RARS2: variants seen among roughly 807,000 people sequenced by gnomAD.
RARS2 encodes arginyl-tRNA synthetase 2, mitochondrial.
RARS2 carries 67 observed loss-of-function variants against 88.5 expected under a neutral mutation model. The observed-to-expected ratio is 0.76, with a 90% CI of 0.62 to 0.93. The LOEUF is 0.93. Among genes scored for constraint, RARS2 ranks in the 40% least tolerant of loss-of-function variants. RARS2 has a pLI of 0.00. For missense variants in RARS2, 664 were observed against 684.2 expected (o/e 0.97, Z 0.33); for synonymous variants, 239 against 230.3 (o/e 1.04, Z -0.34).
intron 8 of RARS2, among the ~76,000 whole-genome samples, chr6:87,537,005 G>A (rs1779377584): frequency 6.6e-6 from 1 of 152,204 alleles, no homozygotes; most frequent in Non-Finnish European, 1.5e-5. Flanking sequence ...TGCAATAAAT[G>A]ACTGTGGGTG....
intron 2 of RARS2, among the ~76,000 whole-genome samples, chr6:87,569,018 A>G (rs1705353015): frequency 6.6e-6 from 1 of 152,226 alleles, no homozygotes; most frequent in African/African-American, 2.4e-5. Context: ...GAAAGCAACT[A>G]TTAGTTGTGT....
At chr6:87,538,346 T>G (rs1006791358) in intron 8 of RARS2, among the ~76,000 whole-genome samples, 3 of 152,216 alleles carry the variant, frequency 2.0e-5, no homozygotes, top group Non-Finnish European at 4.4e-5. Context: ...ATTCGACTTT[T>G]TAGTTATTCA....
At position 87,584,446 on chromosome 6, in the gene RARS2, G is replaced by A. The variant is rs148409715; in HGVS notation, c.36+5476C>T. Among the ~76,000 whole-genome samples the A allele has an allele frequency of 2.5e-3, 382 of 152,108 alleles. 2 individuals carry two copies. The highest frequency in any genetic ancestry group is 8.9e-3 in the African/African-American group (368 of 41,466). On this transcript the variant is annotated intron_variant, in intron 1 of 19. Transcript: ENST00000369536. ...AGCCCTATAAAGCAAAGCAAAATAC[G>A]GCACCGTACAAGTGAGGTATCCCAT...
At chr6:87,526,723 T>C (rs1253482878) in intron 10 of RARS2, among the ~76,000 whole-genome samples, 1 of 150,532 alleles carries the variant, frequency 6.6e-6, no homozygotes, top group Non-Finnish European at 1.5e-5. Flanking sequence ...CAGGTTGGAG[T>C]GCAATGGCTC....
chr6:87,518,689 A>G lies in RARS2; in HGVS notation c.1356T>C (p.Val452=). The stretch of plus-strand genomic sequence containing the variant: ...CTCCTGTGTCCCCGCGACTCTGGAA[A>G]ACACGATCCCAGCTGAACTTGTAGT... ...LSDYKFSWDR[V]FQSRGDTGVF... The change falls in exon 16 of 20, where the codon GTT becomes GTC. Residue 452 remains valine, a synonymous_variant. Transcript: ENST00000369536. The G allele has an allele frequency of 6.2e-7, 1 of 1,614,084 alleles. No individual in the cohort carries two copies. Among genetic ancestry groups the G allele is most frequent in the Non-Finnish European group, 8.5e-7 (1 of 1,179,986 alleles).
intron 11 of RARS2, among the ~76,000 whole-genome samples, chr6:87,523,390 T>A (rs755027650): frequency 5.9e-5 from 9 of 152,188 alleles, no homozygotes; most frequent in Non-Finnish European, 1.3e-4. Context: ...ATAACAACTT[T>A]CATTTACATC....
intron 5 of RARS2, among the ~76,000 whole-genome samples, chr6:87,548,892 T>C (rs916717158): frequency 1.3e-5 from 2 of 152,188 alleles, no homozygotes; most frequent in African/African-American, 4.8e-5. Flanking sequence ...TCTGCTAGTA[T>C]TTACTGTATC....
At chr6:87,527,920 G>C (rs1034427153) in intron 10 of RARS2, among the ~76,000 whole-genome samples, 3 of 152,112 alleles carry the variant, frequency 2.0e-5, no homozygotes, top group Non-Finnish European at 2.9e-5. Flanking sequence ...CGGGGGATGG[G>C]GAGGCGGGAG....
Position 87,569,558 on chromosome 6 carries a change from G to A in RARS2, c.69C>T (p.Asn23=), listed in dbSNP as rs957207876. The change falls in exon 2 of 20, where the codon AAC becomes AAT. Residue 23 remains asparagine, a synonymous_variant. Transcript: ENST00000369536. ...GAACTGCAGATATTGATGTGATCAA[G>A]TTTTCTGGTGGAAGATTCAACACTC... ...LSRVLNLPPE[N]LITSISAVPI... is the part of the protein sequence containing the mutation. 27 of 1,607,398 alleles carry A rather than the reference G, an allele frequency of 1.7e-5. No individual in the cohort carries two copies. The highest frequency in any genetic ancestry group is 2.3e-5 in the Non-Finnish European group (27 of 1,174,146).
intron 1 of RARS2, among the ~76,000 whole-genome samples, chr6:87,579,451 A>C (rs1490793377): frequency 6.6e-6 from 1 of 152,120 alleles, no homozygotes; most frequent in Non-Finnish European, 1.5e-5. Context: ...GATAATTTTT[A>C]TAACTTCTAG....
intron 1 of RARS2, among the ~76,000 whole-genome samples, chr6:87,573,333 G>A (rs1770390879): frequency 6.6e-6 from 1 of 152,114 alleles, no homozygotes; most frequent in Non-Finnish European, 1.5e-5. Flanking sequence ...GGGGAATGGT[G>A]CTAAACCATT....
chr6:87,589,736 C>G, intron 1 of RARS2, 186 bp downstream of exon 1: 1 of 985,356 alleles, frequency 1.0e-6, no homozygotes, highest in East Asian at 1.1e-4. Context: ...ACAAACTGAT[C>G]CCAGCCGACG....
chr6:87,545,454 A>G (rs573916029), intron 7 of RARS2, among the ~76,000 whole-genome samples, 162 bp downstream of exon 7: 1 of 151,818 alleles, frequency 6.6e-6, no homozygotes. Context: ...ACTCAAATAA[A>G]TAGAAGATTT....
chr6:87,543,198 G>C (rs1015244627), intron 7 of RARS2, among the ~76,000 whole-genome samples: 1 of 152,070 alleles, frequency 6.6e-6, no homozygotes, highest in Non-Finnish European at 1.5e-5. Flanking sequence ...AGCTACCAGG[G>C]AAAGTGAGAC....
chr6:87,568,222 GTGTGGTGGTTCATACT>G (rs1768520713), intron 2 of RARS2, among the ~76,000 whole-genome samples: 1 of 152,356 alleles, frequency 6.6e-6, no homozygotes, highest in Admixed American at 6.5e-5. Flanking sequence ...AACAGGCTGG[GTGTGGTGGTTCATACT>G]TGTAATCCCA....
At chr6:87,555,268 G>C in intron 5 of RARS2, 140 bp downstream of exon 5, 1 of 640,442 alleles carries the variant, frequency 1.6e-6, no homozygotes, top group East Asian at 2.8e-5. Context: ...GATTCACTGT[G>C]ATTTCAAGAA....
intron 14 of RARS2, 44 bp from the exon 15 acceptor site, chr6:87,518,935 T>C (rs1717254194): frequency 6.3e-7 from 1 of 1,578,714 alleles, no homozygotes; most frequent in African/African-American, 1.3e-5. Context: ...CATGACACTG[T>C]GCCAATCATG....
At chr6:87,529,447 T>G in intron 10 of RARS2, 95 bp downstream of exon 10, 4 of 838,300 alleles carry the variant, frequency 4.8e-6, no homozygotes, top group South Asian at 2.8e-5. Flanking sequence ...CCAAGAAAGC[T>G]GCACATTGCA....
rs750816674 is a variant in RARS2 at position 87,518,671 on chromosome 6, G to A, written c.1374C>T (p.Asp458=). 2.5e-6 allele frequency: 4 copies of A among 1,613,964 alleles called. No homozygotes were observed. The highest frequency in any genetic ancestry group is 2.5e-6 in the Non-Finnish European group (3 of 1,179,928). The change falls in exon 16 of 20, where the codon GAC becomes GAT. Residue 458 remains aspartate, a synonymous_variant. Coordinates refer to ENST00000369536, the MANE Select transcript of RARS2 (RefSeq NM_020320.5). The part of the protein sequence containing the change: ...SWDRVFQSRG[D]TGVFLQYTHA... ...GTGTGTACTGTAGGAAGACTCCTGT[G>A]TCCCCGCGACTCTGGAAAACACGAT... is the stretch of plus-strand genomic sequence containing the variant.
Sources: gnomAD v4.1 joint callset for allele counts (sites outside exome capture counted in the v4.1 genomes callset) on GRCh38, gnomAD v4.1.1 for gene constraint, MANE v1.5 for transcripts, NCBI Gene and HGNC (gene_info 2026-07-23, HGNC 2026-07-21) for gene names.